ATP9B: variants seen among roughly 807,000 people sequenced by gnomAD.
The protein encoded by ATP9B is probable phospholipid-transporting ATPase IIB.
Under a neutral mutation model 146.1 loss-of-function variants are expected in ATP9B, and 110 were observed. The observed-to-expected ratio is 0.75, with a 90% confidence interval of 0.65 to 0.88. ATP9B has a LOEUF of 0.88. ATP9B is among the 40% of genes least tolerant of loss of function. ATP9B has a pLI of 0.00. For missense variants in ATP9B, 1,499 were observed against 1,496.4 expected (o/e 1.00, Z -0.03); for synonymous variants, 604 against 569.7 (o/e 1.06, Z -0.86).
At chr18:79,261,034 A>G (rs190108511) in intron 12 of ATP9B, among the ~76,000 whole-genome samples, 5 of 152,320 alleles carry the variant, frequency 3.3e-5, no homozygotes, top group Admixed American at 3.3e-4. Context: ...AGGTCCCAGC[A>G]TGGACCATGG....
chr18:79,356,311 G>A (rs745427876), intron 25 of ATP9B, among the ~76,000 whole-genome samples: 6 of 151,756 alleles, frequency 4.0e-5, no homozygotes, highest in Non-Finnish European at 7.4e-5. Context: ...GCTCCTGAGC[G>A]TTTATACCCT....
chr18:79,167,554 T>C (rs558359957), intron 7 of ATP9B, among the ~76,000 whole-genome samples: 2 of 151,080 alleles, frequency 1.3e-5, no homozygotes, highest in East Asian at 2.0e-4. Context: ...GCCCTCAGAG[T>C]AGAGGGGACC....
intron 1 of ATP9B, among the ~76,000 whole-genome samples, chr18:79,071,053 T>TTTC: frequency 6.8e-6 from 1 of 148,140 alleles, no homozygotes. Context: ...CTGTTTCTTT[T>TTTC]TTTTTTTTTT....
intron 26 of ATP9B, among the ~76,000 whole-genome samples, chr18:79,372,230 C>T (rs1386813438): frequency 6.9e-6 from 1 of 144,312 alleles, no homozygotes; most frequent in Non-Finnish European, 1.5e-5. Flanking sequence ...TCCCCTGCCT[C>T]CTGCCCCCTC....
At chr18:79,268,486 A>G (rs1030698440) in intron 12 of ATP9B, among the ~76,000 whole-genome samples, 1 of 152,114 alleles carries the variant, frequency 6.6e-6, no homozygotes, top group Non-Finnish European at 1.5e-5. Context: ...AGCAGTTTAG[A>G]AGTTATGTAA....
At chr18:79,088,311 T>C (rs1470528447) in intron 1 of ATP9B, among the ~76,000 whole-genome samples, 3 of 152,378 alleles carry the variant, frequency 2.0e-5, no homozygotes, top group East Asian at 1.9e-4. Flanking sequence ...TAGGGTATTA[T>C]ATTACAATAT....
At chr18:79,099,461 T>C (rs2075090695) in intron 2 of ATP9B, among the ~76,000 whole-genome samples, 1 of 152,214 alleles carries the variant, frequency 6.6e-6, no homozygotes, top group Admixed American at 6.5e-5. Context: ...CCTCAAGTGA[T>C]CTGCCTGCCT....
intron 1 of ATP9B, among the ~76,000 whole-genome samples, chr18:79,079,269 C>T (rs1275095889): frequency 6.6e-6 from 1 of 152,214 alleles, no homozygotes; most frequent in African/African-American, 2.4e-5. Context: ...CTAACTTACA[C>T]TCCCACCAAC....
At chr18:79,209,737 A>T in intron 10 of ATP9B, 1 of 922,588 alleles carries the variant, frequency 1.1e-6, no homozygotes, top group Non-Finnish European at 1.3e-6. Context: ...CTTTAATGTT[A>T]GTTTGTATTC....
chr18:79,370,748 C>G (rs1417924293), intron 26 of ATP9B, among the ~76,000 whole-genome samples: 2 of 152,180 alleles, frequency 1.3e-5, no homozygotes, highest in East Asian at 3.8e-4. Context: ...CTGAGGTGCT[C>G]CCTGTTGGCA....
At chr18:79,228,841 A>G (rs1211875432) in intron 11 of ATP9B, among the ~76,000 whole-genome samples, 5 of 152,264 alleles carry the variant, frequency 3.3e-5, no homozygotes, top group African/African-American at 9.6e-5. Flanking sequence ...CGTGGGCAAC[A>G]TGGCGAAACC....
At chr18:79,164,010 C>G (rs1216872366) in intron 7 of ATP9B, among the ~76,000 whole-genome samples, 1 of 152,026 alleles carries the variant, frequency 6.6e-6, no homozygotes, top group Non-Finnish European at 1.5e-5. Flanking sequence ...TCTCGAACTC[C>G]TGGGCTCAAG....
At chr18:79,142,919 G>A (rs2094531314) in intron 5 of ATP9B, among the ~76,000 whole-genome samples, 1 of 152,322 alleles carries the variant, frequency 6.6e-6, no homozygotes, top group Admixed American at 6.5e-5. Context: ...GTTTTTGATA[G>A]CTGTCAACAT....
chr18:79,153,258 A>G (rs1311350793), intron 6 of ATP9B, among the ~76,000 whole-genome samples: 1 of 152,204 alleles, frequency 6.6e-6, no homozygotes, highest in East Asian at 1.9e-4. Context: ...ATACAATTAT[A>G]TATTTTTTCT....
chr18:79,200,823 C>G (rs189085320), intron 9 of ATP9B, among the ~76,000 whole-genome samples: 1 of 468 alleles, frequency 2.1e-3, no homozygotes, highest in Non-Finnish European at 3.4e-3. Context: ...TTGGGTGGGG[C>G]CCTGGATTTC....
chr18:79,347,318 G>A (rs544393011), intron 23 of ATP9B, among the ~76,000 whole-genome samples: 1 of 152,374 alleles, frequency 6.6e-6, no homozygotes, highest in South Asian at 2.1e-4. Context: ...ACAGCGTTGT[G>A]AAAGAGGGGA....
At chr18:79,274,204 T>G (rs2096283509) in intron 12 of ATP9B, among the ~76,000 whole-genome samples, 1 of 152,224 alleles carries the variant, frequency 6.6e-6, no homozygotes, top group South Asian at 2.1e-4. Flanking sequence ...GTATAGTACT[T>G]TACAGCTGAG....
intron 1 of ATP9B, chr18:79,078,256 G>A (rs2072855790): frequency 6.6e-6 from 1 of 152,218 alleles, no homozygotes; most frequent in South Asian, 2.1e-4. Flanking sequence ...TGGTCCTTTG[G>A]CTGGAGAGAC....
intron 13 of ATP9B, among the ~76,000 whole-genome samples, chr18:79,297,473 C>G (rs1012010907): frequency 3.3e-5 from 5 of 152,302 alleles, no homozygotes; most frequent in East Asian, 3.9e-4. Flanking sequence ...TTATGAGGCA[C>G]TCAGTAAATA....
Sources: allele counts gnomAD v4.1 joint callset (sites outside exome capture counted in the v4.1 genomes callset), GRCh38; gene constraint gnomAD v4.1.1; transcripts MANE v1.5; gene names NCBI Gene and HGNC (gene_info 2026-07-23, HGNC 2026-07-21).